Variants in RAB3C observed in about 807,000 individuals in gnomAD.
RAB3C encodes RAB3C, member RAS oncogene family.
Under a neutral mutation model 26.4 loss-of-function variants are expected in RAB3C, and 17 were observed. That is an observed-to-expected ratio of 0.64 (90% confidence interval 0.44 to 0.97). The LOEUF is 0.97. RAB3C is among the 50% of genes least tolerant of loss of function. The probability of loss-of-function intolerance (pLI) is 0.00; values close to 1 mark genes in which losing one functional copy is unlikely to be tolerated. For missense variants in RAB3C, 242 were observed against 281.9 expected (o/e 0.86, Z 1.01); for synonymous variants, 91 against 95.9 (o/e 0.95, Z 0.30).
At chr5:58,615,061 G>A (rs991846763) in intron 1 of RAB3C, among the ~76,000 whole-genome samples, 13 of 152,050 alleles carry the variant, frequency 8.5e-5, no homozygotes, top group African/African-American at 3.1e-4. Flanking sequence ...GTCCATGGGA[G>A]GTACTGGAAT....
intron 2 of RAB3C, among the ~76,000 whole-genome samples, chr5:58,673,356 A>G (rs901161447): frequency 6.6e-6 from 1 of 152,050 alleles, no homozygotes; most frequent in Admixed American, 6.6e-5. Flanking sequence ...GACCCAATTC[A>G]AAGTTTCTTC....
intron 3 of RAB3C, chr5:58,822,833 C>A: frequency 1.6e-6 from 1 of 630,030 alleles, no homozygotes; most frequent in Non-Finnish European, 3.0e-6. Flanking sequence ...GGCCCACGGG[C>A]TTCTCGGTAG....
At chr5:58,681,287 T>C (rs1039488665) in intron 2 of RAB3C, among the ~76,000 whole-genome samples, 1 of 152,178 alleles carries the variant, frequency 6.6e-6, no homozygotes, top group Non-Finnish European at 1.5e-5. Context: ...ATCAAGGACT[T>C]CCACAATCAT....
chr5:58,624,117 C>T (rs1159359966), intron 2 of RAB3C, among the ~76,000 whole-genome samples: 2 of 152,164 alleles, frequency 1.3e-5, no homozygotes, highest in Non-Finnish European at 2.9e-5. Flanking sequence ...GAATCCAATA[C>T]TTGTTGGTGC....
At chr5:58,638,861 A>G (rs1268596245) in intron 2 of RAB3C, among the ~76,000 whole-genome samples, 1 of 152,210 alleles carries the variant, frequency 6.6e-6, no homozygotes, top group Non-Finnish European at 1.5e-5. Flanking sequence ...AGTTCCCTAC[A>G]AGGTTCCTTG....
intron 2 of RAB3C, among the ~76,000 whole-genome samples, chr5:58,660,725 A>G (rs1263874133): frequency 6.7e-6 from 1 of 150,248 alleles, no homozygotes; most frequent in African/African-American, 2.5e-5. Flanking sequence ...GCCCTTTTGT[A>G]TGGTTTTCCT....
chr5:58,713,934 C>T (rs1749116196), intron 2 of RAB3C, among the ~76,000 whole-genome samples: 1 of 152,108 alleles, frequency 6.6e-6, no homozygotes, highest in Non-Finnish European at 1.5e-5. Flanking sequence ...CTGAAATTTT[C>T]TTCTAGAATT....
chr5:58,596,948 TATG>T lies in RAB3C; in HGVS notation c.24+13719_24+13721del, dbSNP rs1455323845. ...TATATTATATATAAATATATAATAA[TATG>T]ATACATAATATATTACATATAAACA... On this transcript the variant is annotated intron_variant, in intron 1 of 4. Coordinates refer to ENST00000282878, the MANE Select transcript of RAB3C (RefSeq NM_138453.4). Among the ~76,000 whole-genome samples, 363 of 94,488 alleles carry T rather than the reference TATG, an allele frequency of 3.8e-3. 2 individuals carry two copies. Among genetic ancestry groups the T allele is most frequent in the African/African-American group, 0.015 (341 of 22,640 alleles). 62.0% of individuals were successfully genotyped at this position (94,488 alleles called of 152,430 possible).
chr5:58,718,903 G>A (rs534728313), intron 2 of RAB3C, among the ~76,000 whole-genome samples: 23 of 152,076 alleles, frequency 1.5e-4, no homozygotes, highest in Middle Eastern at 6.8e-3. Flanking sequence ...AAACAAGAAA[G>A]CATAAAATAT....
intron 1 of RAB3C, among the ~76,000 whole-genome samples, chr5:58,615,983 C>G (rs1002372670): frequency 6.5e-5 from 6 of 92,640 alleles, no homozygotes; most frequent in African/African-American, 1.2e-4. Flanking sequence ...TACACACACA[C>G]AGACACACAC....
Position 58,818,943 on chromosome 5 carries a change from C to A in RAB3C, c.372-6095C>A, listed in dbSNP as rs1297696227. 2.6e-5 allele frequency among the ~76,000 whole-genome samples: 4 copies of A among 152,108 alleles called. No individual in the cohort carries two copies. In the East Asian group the frequency reaches 7.7e-4, roughly 29 times the overall value. Reference sequence around the variant, plus strand: ...AGACACATAAGGGGAAGGTCATTTACTCCCAGTTAAAAATTTATTTGTATA... The same window carrying A: ...AGACACATAAGGGGAAGGTCATTTAATCCCAGTTAAAAATTTATTTGTATA... On this transcript the variant is annotated intron_variant, in intron 3 of 4. Transcript: ENST00000282878.
chr5:58,742,414 T>C (rs1460660575), intron 3 of RAB3C, among the ~76,000 whole-genome samples: 2 of 152,184 alleles, frequency 1.3e-5, no homozygotes, highest in Admixed American at 6.5e-5. Context: ...TAACCTTATC[T>C]CTGATCAAAT....
At chr5:58,845,610 A>ATGTGTGTGTGTGTGTG (rs1363330767) in intron 4 of RAB3C, among the ~76,000 whole-genome samples, 6 of 53,232 alleles carry the variant, frequency 1.1e-4, no homozygotes, top group African/African-American at 5.6e-4. Context: ...ATATATATAT[A>ATGTGTGTGTGTGTGTG]TATGTGTGTG....
intron 2 of RAB3C, among the ~76,000 whole-genome samples, chr5:58,701,330 C>G (rs1317762850): frequency 1.3e-5 from 2 of 152,140 alleles, no homozygotes; most frequent in Non-Finnish European, 2.9e-5. Context: ...ATTCTAAATT[C>G]TGTTATTCTT....
At chr5:58,606,681 T>C (rs1746579770) in intron 1 of RAB3C, among the ~76,000 whole-genome samples, 1 of 152,118 alleles carries the variant, frequency 6.6e-6, no homozygotes. Context: ...TCCTCTGGGA[T>C]GAAACTTCCA....
At chr5:58,644,031 G>A (rs292993) in intron 2 of RAB3C, among the ~76,000 whole-genome samples, 21,943 of 152,000 alleles carry the variant, frequency 0.14, 1,948 homozygotes, top group Middle Eastern at 0.24. Context: ...AAGTGGGTCA[G>A]GGTGGTCTCG....
At chr5:58,830,973 T>C (rs2112067508) in intron 4 of RAB3C, among the ~76,000 whole-genome samples, 1 of 152,236 alleles carries the variant, frequency 6.6e-6, no homozygotes, top group South Asian at 2.1e-4. Context: ...CCTCTTGGAC[T>C]CAAGCAATCT....
intron 4 of RAB3C, among the ~76,000 whole-genome samples, chr5:58,830,311 C>T (rs1362958549): frequency 2.0e-5 from 3 of 152,054 alleles, no homozygotes; most frequent in African/African-American, 4.8e-5. Context: ...GTAGTGCAGG[C>T]GGGACATATA....
intron 3 of RAB3C, among the ~76,000 whole-genome samples, chr5:58,736,135 C>T (rs1442416067): frequency 6.6e-6 from 1 of 152,182 alleles, no homozygotes; most frequent in Non-Finnish European, 1.5e-5. Flanking sequence ...CGCCCTGTCC[C>T]TCCTGCTTTC....
Sources: allele counts gnomAD v4.1 joint callset (sites outside exome capture counted in the v4.1 genomes callset), GRCh38; gene constraint gnomAD v4.1.1; transcripts MANE v1.5; gene names NCBI Gene and HGNC (gene_info 2026-07-23, HGNC 2026-07-21).